Variants in NXN observed in about 807,000 individuals in gnomAD.
NXN encodes nucleoredoxin 1.
NXN carries 16 observed loss-of-function variants against 48.6 expected under a neutral mutation model. The observed-to-expected ratio is 0.33, with a 90% CI of 0.22 to 0.50. The LOEUF (loss-of-function observed/expected upper bound fraction) is 0.50, where lower values mean the gene tolerates loss of function less well. Among genes scored for constraint, NXN ranks in the 20% least tolerant of loss-of-function variants. The probability of loss-of-function intolerance (pLI) is 0.98; values close to 1 mark genes in which losing one functional copy is unlikely to be tolerated. For missense variants in NXN, 492 were observed against 605.5 expected (o/e 0.81, Z 1.97); for synonymous variants, 281 against 269.6 (o/e 1.04, Z -0.41).
intron 5 of NXN, chr17:818,969 CAG>C (rs1192496153): frequency 8.4e-6 from 2 of 237,740 alleles, no homozygotes; most frequent in African/African-American, 2.4e-5. Flanking sequence ...TTTTTTGAGA[CAG>C]AGTCTCCCTC....
In NXN at chr17:836,611, G is replaced by C. The variant is rs148520255; in HGVS notation, c.361-10533C>G. On this transcript the variant is annotated intron_variant, in intron 1 of 7. Coordinates refer to ENST00000336868, the MANE Select transcript of NXN (RefSeq NM_022463.5). Reference sequence around the variant, plus strand: ...AGCACAGGTTCCGGCTCCAGAGCCCGGCTCTTCCATCTGTTCCAGCCGCTT... The same window carrying C: ...AGCACAGGTTCCGGCTCCAGAGCCCCGCTCTTCCATCTGTTCCAGCCGCTT... 2.4e-3 allele frequency among the ~76,000 whole-genome samples: 358 copies of C among 152,228 alleles called. 2 individuals carry two copies. The Middle Eastern group carries it at 0.037, about 16-fold the overall frequency.
intron 1 of NXN, among the ~76,000 whole-genome samples, chr17:967,661 T>C (rs1422090928): frequency 6.6e-6 from 1 of 152,210 alleles, no homozygotes; most frequent in African/African-American, 2.4e-5. Flanking sequence ...GCTTAAGGGA[T>C]ACAGCTACCA....
intron 1 of NXN, among the ~76,000 whole-genome samples, chr17:847,199 C>G (rs1217078315): frequency 6.6e-6 from 1 of 151,826 alleles, no homozygotes; most frequent in Non-Finnish European, 1.5e-5. Flanking sequence ...TCTCAATTTC[C>G]TATTTGATTG....
At chr17:823,386 G>A (rs1597630833) in intron 3 of NXN, among the ~76,000 whole-genome samples, 1 of 150,580 alleles carries the variant, frequency 6.6e-6, no homozygotes, top group Non-Finnish European at 1.5e-5. Context: ...GTAACAGAGC[G>A]AGACTCTGGC....
intron 5 of NXN, among the ~76,000 whole-genome samples, chr17:812,567 G>A (rs1274117681): frequency 2.8e-5 from 4 of 144,976 alleles, no homozygotes; most frequent in Non-Finnish European, 5.9e-5. Flanking sequence ...GTGTGTGTGT[G>A]AGTCTGTGTG....
At chr17:936,810 A>G (rs889435725) in intron 1 of NXN, among the ~76,000 whole-genome samples, 2 of 151,266 alleles carry the variant, frequency 1.3e-5, no homozygotes, top group African/African-American at 4.9e-5. Flanking sequence ...ACTTCCCCAC[A>G]TAAGCTCACC....
At chr17:969,873 T>G (rs972834319) in intron 1 of NXN, among the ~76,000 whole-genome samples, 10 of 152,082 alleles carry the variant, frequency 6.6e-5, no homozygotes, top group African/African-American at 2.4e-4. Context: ...CACCACACCC[T>G]GTTTGGTGAC....
Position 866,466 on chromosome 17 carries a change from G to A in NXN, c.361-40388C>T, listed in dbSNP as rs147001019. 9.1e-3 allele frequency among the ~76,000 whole-genome samples: 1,387 copies of A among 152,078 alleles called. 23 individuals are homozygous for A. The highest frequency in any genetic ancestry group is 0.031 in the African/African-American group (1,289 of 41,498). ...CGGGCGCCTGTAGTCTCAGGTACTC[G>A]GGAGGCTGAGGCAGGAGAACCCTTG... On this transcript the variant is annotated intron_variant, in intron 1 of 7. Coordinates refer to ENST00000336868, the MANE Select transcript of NXN (RefSeq NM_022463.5).
chr17:834,410 G>A (rs1261830926), intron 1 of NXN, among the ~76,000 whole-genome samples: 1 of 152,078 alleles, frequency 6.6e-6, no homozygotes, highest in Admixed American at 6.6e-5. Context: ...GATCATCCTG[G>A]CAACGTATCC....
At chr17:934,350 G>A (rs1392399931) in intron 1 of NXN, among the ~76,000 whole-genome samples, 2 of 151,966 alleles carry the variant, frequency 1.3e-5, no homozygotes, top group African/African-American at 4.8e-5. Context: ...GGAGGCTGAG[G>A]CAGGAGAATT....
intron 1 of NXN, among the ~76,000 whole-genome samples, chr17:869,384 G>A (rs1006289336): frequency 6.6e-6 from 1 of 152,080 alleles, no homozygotes; most frequent in Non-Finnish European, 1.5e-5. Context: ...CCCGACAAGC[G>A]ACCTGAGGTT....
At chr17:881,873 C>G (rs889962363) in intron 1 of NXN, among the ~76,000 whole-genome samples, 2 of 152,098 alleles carry the variant, frequency 1.3e-5, no homozygotes, top group Non-Finnish European at 2.9e-5. Context: ...ACTGACTGTA[C>G]GATTCCATTT....
intron 1 of NXN, among the ~76,000 whole-genome samples, chr17:831,452 TATTC>T (rs879296683): frequency 0.41 from 51,016 of 125,728 alleles, 9,208 homozygotes; most frequent in African/African-American, 0.57. Context: ...CGACTTTATT[TATTC>T]ATTTATTTAT....
At chr17:810,035 G>C (rs1175658003) in intron 5 of NXN, among the ~76,000 whole-genome samples, 12 of 101,662 alleles carry the variant, frequency 1.2e-4, no homozygotes, top group African/African-American at 3.8e-4. Flanking sequence ...TTAAGAGTCC[G>C]TGTGAGTGGC....
At position 919,236 on chromosome 17, in the gene NXN, A is replaced by G. The variant is rs555451801; in HGVS notation, c.360+60083T>C. Among the ~76,000 whole-genome samples, 44 of 151,572 alleles carry G rather than the reference A, an allele frequency of 2.9e-4. No homozygotes were observed. Among genetic ancestry groups the G allele is most frequent in the African/African-American group, 9.9e-4 (41 of 41,318 alleles). ...AAATCAGCCGGGCGTCATGGCGGGCACCTGTAGTCCCAGTTCCTTGGGAGG... is the reference window on the plus strand; with the variant it reads ...AAATCAGCCGGGCGTCATGGCGGGCGCCTGTAGTCCCAGTTCCTTGGGAGG... On this transcript the variant is annotated intron_variant, in intron 1 of 7. Coordinates refer to ENST00000336868, the MANE Select transcript of NXN (RefSeq NM_022463.5). The surrounding 1 kb of genome is among the most constrained non-coding windows in gnomAD (Gnocchi z 5.1).
intron 1 of NXN, among the ~76,000 whole-genome samples, chr17:873,520 G>A (rs1470113779): frequency 7.5e-5 from 9 of 119,604 alleles, no homozygotes; most frequent in East Asian, 4.2e-4. Flanking sequence ...AGGAGTCTCC[G>A]TCTCCTTCTG....
At position 917,287 on chromosome 17, in the gene NXN, G is replaced by T. The variant is rs540552831; in HGVS notation, c.360+62032C>A. On this transcript the variant is annotated intron_variant, in intron 1 of 7. Transcript: ENST00000336868. The surrounding 1 kb of genome is among the most constrained non-coding windows in gnomAD (Gnocchi z 4.5). ...CTCCCGAGCAGCTGGGACTACAGGCGCCCGCCACCATGCCCAGCTAATTTT... is the reference window on the plus strand; with the variant it reads ...CTCCCGAGCAGCTGGGACTACAGGCTCCCGCCACCATGCCCAGCTAATTTT... 2.0e-5 allele frequency among the ~76,000 whole-genome samples: 3 copies of T among 152,068 alleles called. No individual in the cohort carries two copies. The highest frequency in any genetic ancestry group is 4.4e-5 in the Non-Finnish European group (3 of 68,006).
At chr17:954,808 G>T (rs1316767864) in intron 1 of NXN, among the ~76,000 whole-genome samples, 5 of 152,240 alleles carry the variant, frequency 3.3e-5, no homozygotes, top group Admixed American at 3.3e-4. Flanking sequence ...GTTAGGGGCC[G>T]CATCGGCCTA....
chr17:880,098 G>C (rs758494119), intron 1 of NXN: 5 of 152,082 alleles, frequency 3.3e-5, no homozygotes, highest in Non-Finnish European at 7.3e-5. Flanking sequence ...AAAAAAGTGA[G>C]ATCACAGCAA....
Sources: gnomAD v4.1 joint callset for allele counts (sites outside exome capture counted in the v4.1 genomes callset) on GRCh38, gnomAD v4.1.1 for gene constraint, Gnocchi (gnomAD v3.1) non-coding constraint, MANE v1.5 for transcripts, NCBI Gene and HGNC (gene_info 2026-07-23, HGNC 2026-07-21) for gene names.